ITGA9: variants seen among roughly 807,000 people sequenced by gnomAD.
ITGA9 encodes the protein integrin subunit alpha 9.
A neutral mutation model predicts 127.8 loss-of-function variants in ITGA9; 56 were observed. That is an observed-to-expected ratio of 0.44 (90% CI 0.35 to 0.55). ITGA9 has a LOEUF of 0.55. Among genes scored for constraint, ITGA9 ranks in the 20% least tolerant of loss-of-function variants. The pLI is 0.00. For missense variants in ITGA9, 1,196 were observed against 1,347.1 expected (o/e 0.89, Z 1.76); for synonymous variants, 508 against 514.5 (o/e 0.99, Z 0.17).
At chr3:37,526,192 G>A in intron 13 of ITGA9, 121 bp downstream of exon 13, 1 of 845,160 alleles carries the variant, frequency 1.2e-6, no homozygotes, top group Non-Finnish European at 2.0e-6. Context: ...CTTAGTAAGT[G>A]GAAATGCTAC....
chr3:37,526,044 T>C lies in ITGA9; in HGVS notation c.1346T>C (p.Phe449Ser). ...NGYPDVTVGAFMSDSVVLLRA... is the reference protein window; with the variant it reads ...NGYPDVTVGASMSDSVVLLRA... ...TTTTCAGATGTCACTGTTGGAGCCT[T>C]CATGTCCGACAGCGTGGTTCTTCTC... Residue 449 changes from phenylalanine to serine, a missense_variant, in exon 13 of 28, where the codon TTC becomes TCC. Transcript: ENST00000264741. 1 of 1,614,128 alleles carries C rather than the reference T, an allele frequency of 6.2e-7. No homozygotes were observed.
At chr3:37,633,480 T>C (rs1700246463) in intron 16 of ITGA9, among the ~76,000 whole-genome samples, 1 of 152,222 alleles carries the variant, frequency 6.6e-6, no homozygotes, top group African/African-American at 2.4e-5. Flanking sequence ...AAGCTTATTT[T>C]ACAATAAAGT....
chr3:37,583,973 AT>A (rs1229775140), intron 15 of ITGA9, among the ~76,000 whole-genome samples: 1 of 152,170 alleles, frequency 6.6e-6, no homozygotes, highest in East Asian at 1.9e-4. Flanking sequence ...AGTTGTGCTC[AT>A]GCTTTCCCTT....
chr3:37,627,148 A>G (rs1025952353), intron 15 of ITGA9, among the ~76,000 whole-genome samples: 3 of 151,910 alleles, frequency 2.0e-5, no homozygotes, highest in African/African-American at 7.3e-5. Flanking sequence ...CTCCCCTATC[A>G]CTCTCTTGGA....
intron 26 of ITGA9, among the ~76,000 whole-genome samples, chr3:37,786,620 A>C (rs76307127): frequency 0.36 from 54,679 of 151,504 alleles, 10,005 homozygotes; most frequent in East Asian, 0.45. Flanking sequence ...ACAAACAAAA[A>C]AAAAAAAACC....
intron 16 of ITGA9, among the ~76,000 whole-genome samples, chr3:37,634,584 G>A (rs1302325289): frequency 6.6e-6 from 1 of 152,120 alleles, no homozygotes; most frequent in Non-Finnish European, 1.5e-5. Flanking sequence ...CAACACCAGA[G>A]AAACTAAATA....
intron 17 of ITGA9, among the ~76,000 whole-genome samples, chr3:37,655,986 C>G (rs1002958531): frequency 2.0e-5 from 3 of 152,174 alleles, no homozygotes; most frequent in Non-Finnish European, 4.4e-5. Flanking sequence ...TCAGGTTTGT[C>G]AAAGATCAGA....
rs1289869142 is a variant in ITGA9, at chr3:37,584,599, A to C, written c.1689+42014A>C. On this transcript the variant is annotated intron_variant, in intron 15 of 27. Transcript: ENST00000264741. ...ATGAAACCCCATCTCTACTAAAAAT[A>C]CAAAATTTATCTGGGCATGGTGGCA... 2.6e-5 allele frequency among the ~76,000 whole-genome samples: 4 copies of C among 152,154 alleles called. No individual in the cohort carries two copies. In the East Asian group the frequency reaches 7.8e-4, roughly 30 times the overall value.
intron 17 of ITGA9, among the ~76,000 whole-genome samples, chr3:37,654,180 C>T (rs1156276214): frequency 1.5e-5 from 2 of 137,546 alleles, no homozygotes; most frequent in African/African-American, 5.6e-5. Flanking sequence ...AGGTTTATGC[C>T]CTCCTGCCTC....
At chr3:37,665,227 G>A (rs1051313011) in intron 17 of ITGA9, among the ~76,000 whole-genome samples, 7 of 151,880 alleles carry the variant, frequency 4.6e-5, no homozygotes, top group African/African-American at 1.7e-4. Context: ...CACCCACCTT[G>A]GCCTCCCAAA....
chr3:37,792,899 A>G (rs1029100627), intron 26 of ITGA9, among the ~76,000 whole-genome samples: 3 of 152,178 alleles, frequency 2.0e-5, no homozygotes, highest in African/African-American at 7.2e-5. Context: ...AGGAATGCTT[A>G]TCCTGGAGGG....
chr3:37,748,197 G>A (rs562628079), intron 22 of ITGA9: 5 of 456,040 alleles, frequency 1.1e-5, no homozygotes, highest in East Asian at 5.6e-5. Flanking sequence ...TTTTGGCCAC[G>A]TGTATGCAAA....
At chr3:37,587,897 C>G (rs1436408133) in intron 15 of ITGA9, among the ~76,000 whole-genome samples, 1 of 152,208 alleles carries the variant, frequency 6.6e-6, no homozygotes, top group Non-Finnish European at 1.5e-5. Context: ...TAAACGGACT[C>G]TCCTGCCCGG....
chr3:37,455,562 T>C (rs1481255883), intron 1 of ITGA9, among the ~76,000 whole-genome samples: 1 of 151,798 alleles, frequency 6.6e-6, no homozygotes, highest in Non-Finnish European at 1.5e-5. Context: ...TCAAAATGAG[T>C]GAGGAAGGTA....
chr3:37,757,008 A>C (rs1158851143), intron 23 of ITGA9, among the ~76,000 whole-genome samples: 1 of 149,404 alleles, frequency 6.7e-6, no homozygotes, highest in South Asian at 2.1e-4. Context: ...AACCAATGGG[A>C]TTTAGACAAA....
intron 2 of ITGA9, among the ~76,000 whole-genome samples, chr3:37,471,534 A>G (rs779531279): frequency 2.0e-5 from 3 of 152,142 alleles, no homozygotes; most frequent in Non-Finnish European, 4.4e-5. Context: ...CTTCAAGCAG[A>G]GGTGCCATTT....
At chr3:37,700,233 C>G (rs1010832405) in intron 18 of ITGA9, among the ~76,000 whole-genome samples, 1 of 152,186 alleles carries the variant, frequency 6.6e-6, no homozygotes, top group Admixed American at 6.5e-5. Flanking sequence ...ATCCTCCCTC[C>G]TTGGCCTCCC....
chr3:37,628,205 T>C (rs1700195375), intron 15 of ITGA9, among the ~76,000 whole-genome samples: 1 of 152,140 alleles, frequency 6.6e-6, no homozygotes, highest in East Asian at 1.9e-4. Context: ...TTGAGCCACT[T>C]TCCTTTGACA....
chr3:37,638,495 G>C (rs1334588631), intron 16 of ITGA9, among the ~76,000 whole-genome samples: 1 of 151,460 alleles, frequency 6.6e-6, no homozygotes, highest in African/African-American at 2.4e-5. Context: ...TGTTGGCTCA[G>C]TTTGAGGAGG....
Sources: gnomAD v4.1 joint callset for allele counts (sites outside exome capture counted in the v4.1 genomes callset) on GRCh38, gnomAD v4.1.1 for gene constraint, MANE v1.5 for transcripts, NCBI Gene and HGNC (gene_info 2026-07-23, HGNC 2026-07-21) for gene names.